RASSF8: variants seen among roughly 807,000 people sequenced by gnomAD.
The protein encoded by RASSF8 is ras association domain-containing protein 8.
Under a neutral mutation model 48.5 loss-of-function variants are expected in RASSF8, and 22 were observed. That is an observed-to-expected ratio of 0.45 (90% CI 0.32 to 0.65). RASSF8 has a LOEUF of 0.65. RASSF8 is among the 30% of genes least tolerant of loss of function. The pLI is 0.03. For missense variants in RASSF8, 418 were observed against 489.2 expected (o/e 0.85, Z 1.37); for synonymous variants, 127 against 171.5 (o/e 0.74, Z 2.03).
intron 4 of RASSF8, among the ~76,000 whole-genome samples, chr12:26,065,669 C>T (rs1943858039): frequency 1.3e-5 from 2 of 152,146 alleles, no homozygotes; most frequent in South Asian, 2.1e-4. Context: ...TCACCTTCTC[C>T]TTTCAGAGAT....
At chr12:25,983,875 A>G (rs1941804741) in intron 1 of RASSF8, among the ~76,000 whole-genome samples, 1 of 152,166 alleles carries the variant, frequency 6.6e-6, no homozygotes, top group African/African-American at 2.4e-5. Context: ...GCCTCAACCC[A>G]TACCCGTGTG....
chr12:26,009,033 C>T (rs763436400), intron 2 of RASSF8, among the ~76,000 whole-genome samples: 1 of 152,090 alleles, frequency 6.6e-6, no homozygotes, highest in Non-Finnish European at 1.5e-5. Context: ...CACTGGTAGT[C>T]CCCTGTGTAC....
intron 4 of RASSF8, among the ~76,000 whole-genome samples, chr12:26,067,283 T>C (rs1943897012): frequency 6.6e-6 from 1 of 152,182 alleles, no homozygotes; most frequent in Non-Finnish European, 1.5e-5. Context: ...TATAGACATA[T>C]TTATTTCAGA....
intron 2 of RASSF8, among the ~76,000 whole-genome samples, chr12:26,051,244 AT>A (rs1943483460): frequency 6.6e-6 from 1 of 152,230 alleles, no homozygotes; most frequent in East Asian, 1.9e-4. Context: ...CTAACATGTA[AT>A]AAGTACTTGT....
intron 3 of RASSF8, among the ~76,000 whole-genome samples, chr12:26,058,538 G>GCGCACACACACA (rs377669426): frequency 6.7e-6 from 1 of 148,998 alleles, no homozygotes; most frequent in African/African-American, 2.5e-5. Flanking sequence ...ACGCGCGCGC[G>GCGCACACACACA]CACACACACA....
At position 25,958,745 on chromosome 12, in the gene RASSF8, G is replaced by C. The variant is rs1279445708; in HGVS notation, c.-606G>C. The stretch of plus-strand genomic sequence containing the variant: ...CTACGCCCGCGCTCCTCCTACGCCC[G>C]CGCTCGTCCGGCGCCCCGCGCCGCG... On this transcript the variant is annotated 5_prime_UTR_variant, in exon 1 of 6. Transcript: ENST00000689635. 6.8e-6 allele frequency among the ~76,000 whole-genome samples: 1 copy of C among 146,618 alleles called. No homozygotes were observed. Among genetic ancestry groups the C allele is most frequent in the Non-Finnish European group, 1.5e-5 (1 of 65,954 alleles).
intron 1 of RASSF8, among the ~76,000 whole-genome samples, chr12:25,974,231 C>T (rs1030166996): frequency 1.3e-5 from 2 of 151,708 alleles, no homozygotes; most frequent in Admixed American, 1.3e-4. Flanking sequence ...CTGATTTTTC[C>T]TGATCATACA....
chr12:26,069,253 AT>A lies in RASSF8; in HGVS notation c.*437del. On this transcript the variant is annotated 3_prime_UTR_variant, in exon 6 of 6. Transcript: ENST00000689635. ...ATCCTGTGACTGACTTACGTTACATATTGTGTGATTATGACCGTGTGCATGT... is the reference window on the plus strand; with the variant it reads ...ATCCTGTGACTGACTTACGTTACATATGTGTGATTATGACCGTGTGCATGT... 1.0e-6 allele frequency: 1 copy of A among 987,716 alleles called. No individual in the cohort carries two copies. The highest frequency in any genetic ancestry group is 1.2e-6 in the Non-Finnish European group (1 of 830,080). The allele number at this position is 987,716 out of a possible 1,614,324, so 61.2% of individuals were successfully genotyped here.
chr12:26,050,095 C>A (rs1395819421), intron 2 of RASSF8, among the ~76,000 whole-genome samples: 1 of 152,250 alleles, frequency 6.6e-6, no homozygotes, highest in East Asian at 1.9e-4. Flanking sequence ...AGACATAATT[C>A]TTAATAGAAG....
At chr12:26,058,280 G>C (rs1943654971) in intron 3 of RASSF8, among the ~76,000 whole-genome samples, 1 of 152,196 alleles carries the variant, frequency 6.6e-6, no homozygotes, top group South Asian at 2.1e-4. Flanking sequence ...CTGGCAAGTA[G>C]CCGAGAGCTG....
intron 1 of RASSF8, among the ~76,000 whole-genome samples, chr12:25,966,410 A>G (rs566818027): frequency 2.0e-5 from 3 of 152,150 alleles, no homozygotes; most frequent in South Asian, 2.1e-4. Context: ...AGGTCTTGCT[A>G]TGTTGCCCAG....
chr12:26,024,861 G>A (rs900505580), intron 2 of RASSF8, among the ~76,000 whole-genome samples: 6 of 152,082 alleles, frequency 3.9e-5, no homozygotes, highest in African/African-American at 1.4e-4. Flanking sequence ...GGAGGCTGAG[G>A]CAGGAGAACA....
At chr12:25,995,335 T>A (rs1231171728) in intron 2 of RASSF8, among the ~76,000 whole-genome samples, 1 of 152,162 alleles carries the variant, frequency 6.6e-6, no homozygotes, top group Non-Finnish European at 1.5e-5. Flanking sequence ...ACCACTGCAG[T>A]ATAATTCCTA....
intron 1 of RASSF8, among the ~76,000 whole-genome samples, chr12:25,976,105 A>G (rs1941598455): frequency 6.6e-6 from 1 of 152,190 alleles, no homozygotes; most frequent in African/African-American, 2.4e-5. Context: ...GTGAGGCAGG[A>G]GAATAGGGTC....
chr12:26,007,339 C>G (rs1942416292), intron 2 of RASSF8, among the ~76,000 whole-genome samples: 1 of 152,158 alleles, frequency 6.6e-6, no homozygotes, highest in South Asian at 2.1e-4. Context: ...AGGAACAAAG[C>G]CTTTTCACCA....
intron 2 of RASSF8, among the ~76,000 whole-genome samples, chr12:25,998,139 T>C (rs1390073633): frequency 5.9e-5 from 9 of 152,204 alleles, no homozygotes; most frequent in African/African-American, 1.7e-4. Context: ...GATTCGAGAA[T>C]GTTATGACTT....
chr12:25,979,359 G>A (rs1054794671), intron 1 of RASSF8, among the ~76,000 whole-genome samples: 1 of 152,120 alleles, frequency 6.6e-6, no homozygotes, highest in African/African-American at 2.4e-5. Flanking sequence ...CAAAGAGTTG[G>A]CCAGCAGTAT....
intron 1 of RASSF8, among the ~76,000 whole-genome samples, chr12:25,965,606 T>G (rs1941343301): frequency 6.6e-6 from 1 of 152,080 alleles, no homozygotes; most frequent in South Asian, 2.1e-4. Flanking sequence ...TCCGCCCACC[T>G]TAGCCTCCCA....
chr12:26,076,445 G>T (rs1035621802), downstream of RASSF8, among the ~76,000 whole-genome samples: 1 of 152,050 alleles, frequency 6.6e-6, no homozygotes, highest in Non-Finnish European at 1.5e-5. Context: ...GCCCCAGTGT[G>T]TGATGTTCCC....
Sources: allele counts gnomAD v4.1 joint callset (sites outside exome capture counted in the v4.1 genomes callset), GRCh38; gene constraint gnomAD v4.1.1; transcripts MANE v1.5; gene names NCBI Gene and HGNC (gene_info 2026-07-23, HGNC 2026-07-21).